The following RANBP1 variants were observed in gnomAD, a reference collection of about 807,000 sequenced individuals.
RANBP1 encodes the protein ran-specific GTPase-activating protein.
A neutral mutation model predicts 31.4 loss-of-function variants in RANBP1; 16 were observed. The ratio of observed to expected loss-of-function variants is 0.51; its 90% confidence interval spans 0.34 to 0.77. The LOEUF (loss-of-function observed/expected upper bound fraction) is 0.77. Among genes scored for constraint, RANBP1 ranks in the 30% least tolerant of loss-of-function variants. The pLI is 0.01. For synonymous variants in RANBP1, 129 were observed against 140.5 expected (o/e 0.92, Z 0.58); for missense variants, 265 against 362.0 (o/e 0.73, Z 2.17).
intron 2 of RANBP1, 156 bp downstream of exon 2, chr22:20,119,305 T>C: frequency 1.4e-6 from 1 of 694,498 alleles, no homozygotes; most frequent in Non-Finnish European, 2.4e-6. Flanking sequence ...TTTAACCCGT[T>C]CCTTTCATGA....
At chr22:20,126,408 T>C in intron 5 of RANBP1, 40 bp downstream of exon 5, 1 of 1,613,612 alleles carries the variant, frequency 6.2e-7, no homozygotes, top group Non-Finnish European at 8.5e-7. Context: ...CTTTGCAGAC[T>C]CACTCTGCAT....
intron 1 of RANBP1, chr22:20,116,979 C>T: frequency 6.6e-7 from 1 of 1,504,360 alleles, no homozygotes; most frequent in Non-Finnish European, 9.0e-7. Context: ...GGGCCTGTCA[C>T]AAGGGAAGTG....
rs564119324 is a variant in RANBP1, at chr22:20,119,347, C to G, written c.383+198C>G. The stretch of plus-strand genomic sequence containing the variant: ...ACCAGATGCCCTTGCTGCCCTGCAG[C>G]CAGTTGCATGAAGGGCATCCCATCT... On this transcript the variant is annotated intron_variant, in intron 2 of 5. Transcript: ENST00000430524. The G allele has an allele frequency of 1.4e-5, 8 of 583,920 alleles. No homozygotes were observed. In the East Asian group the frequency reaches 2.4e-4, roughly 17 times the overall value. The allele number at this position is 583,920 out of a possible 1,614,324, so 36.2% of individuals were successfully genotyped here. A position where few individuals can be genotyped will look rare whatever the true frequency, so the allele number is the denominator to read the frequency against.
In RANBP1 at chr22:20,127,037, TGAG is replaced by T. The variant is rs1489308851; in HGVS notation, c.826_828del (p.Glu276del). On this transcript the variant is annotated inframe_deletion, in exon 6 of 6. Coordinates refer to ENST00000430524, the MANE Select transcript of RANBP1 (RefSeq NM_001278639.2). Reference sequence around the variant, plus strand: ...TGAAGGAGGAGACCAAGGAGGATGCTGAGGAGAAGCAATAAATCGTCTTATTTT... The same window carrying T: ...TGAAGGAGGAGACCAAGGAGGATGCTGAGAAGCAATAAATCGTCTTATTTT... 3 of 1,610,622 alleles carry T rather than the reference TGAG, an allele frequency of 1.9e-6. No individual in the cohort carries two copies. The highest frequency in any genetic ancestry group is 2.2e-5 in the East Asian group (1 of 44,850).
chr22:20,124,449 C>A (rs921496496), intron 3 of RANBP1: 1 of 139,108 alleles, frequency 7.2e-6, no homozygotes, highest in Non-Finnish European at 1.6e-5. Flanking sequence ...TAGACGAGAC[C>A]CCCCCCCAGC....
At chr22:20,121,983 C>G (rs1568981426) in intron 2 of RANBP1, among the ~76,000 whole-genome samples, 1 of 152,178 alleles carries the variant, frequency 6.6e-6, no homozygotes, top group Non-Finnish European at 1.5e-5. Flanking sequence ...AGATGACCTG[C>G]CCGCCTCGGC....
chr22:20,126,271 C>T (rs375699055), intron 4 of RANBP1, 32 bp from the exon 5 acceptor site: 3 of 1,602,234 alleles, frequency 1.9e-6, no homozygotes, highest in Middle Eastern at 2.0e-4. Context: ...CTGCTCACAG[C>T]TCTTAGGAAG....
rs2050271631 is a variant in RANBP1 at position 20,125,313 on chromosome 22, C to T, written c.547C>T (p.Pro183Ser). The change falls in exon 4 of 6, where the codon CCG becomes TCG. Residue 183 changes from proline to serine, a missense_variant. Pro to Ser is a moderately conservative substitution (Grantham distance 74). This residue lies in a region of RANBP1 where 90 missense variants were observed against 190.5 expected (regional missense o/e 0.47). Coordinates refer to ENST00000430524, the MANE Select transcript of RANBP1 (RefSeq NM_001278639.2). ...ACGAGCTTCTCTCTCTTCAGTCACG[C>T]CGATGATGGAGCTGAAGCCCAACGC... ...LKICANHYITPMMELKPNAGS... is the reference protein window; with the variant it reads ...LKICANHYITSMMELKPNAGS... 1 of 1,611,440 alleles carries T rather than the reference C, an allele frequency of 6.2e-7. No homozygotes were observed. The highest frequency in any genetic ancestry group is 1.1e-5 in the South Asian group (1 of 90,992).
At position 20,126,425 on chromosome 22, in the gene RANBP1, A is replaced by G. The variant is rs759614887; in HGVS notation, c.736+57A>G. The G allele has an allele frequency of 5.6e-6, 9 of 1,612,826 alleles. No homozygotes were observed. In the African/African-American group the frequency reaches 6.7e-5, roughly 12 times the overall value. Reference sequence around the variant, plus strand: ...TTGCAGACTCACTCTGCATCTGACTATACTTCCAGGCGGGTGCTTTTTCTG... The same window carrying G: ...TTGCAGACTCACTCTGCATCTGACTGTACTTCCAGGCGGGTGCTTTTTCTG... On this transcript the variant is annotated intron_variant, in intron 5 of 5. Transcript: ENST00000430524.
intron 2 of RANBP1, 67 bp downstream of exon 2, chr22:20,119,216 A>G: frequency 1.3e-6 from 2 of 1,504,434 alleles, no homozygotes; most frequent in Non-Finnish European, 1.8e-6. Context: ...ATGGGTGTCC[A>G]GGTTTTGGCC....
Position 20,127,138 on chromosome 22 carries a change from ATTC to A in RANBP1, c.*89_*91del, listed in dbSNP as rs1412158531. ...TGCCCCTCTTTTTCGGTTTGTTTTT[ATTC>A]TTTCATTTTTACAAGGGACGTTATA... On this transcript the variant is annotated 3_prime_UTR_variant, in exon 6 of 6. Transcript: ENST00000430524. The A allele has an allele frequency of 2.3e-5, 26 of 1,132,616 alleles. No individual in the cohort carries two copies. Among genetic ancestry groups the A allele is most frequent in the Non-Finnish European group, 3.0e-5 (25 of 820,480 alleles). The allele number at this position is 1,132,616 out of a possible 1,614,324, so 70.2% of individuals were successfully genotyped here.
intron 5 of RANBP1, 139 bp downstream of exon 5, chr22:20,126,507 A>G: frequency 6.3e-7 from 1 of 1,591,972 alleles, no homozygotes; most frequent in Non-Finnish European, 8.6e-7. Flanking sequence ...AGAGTGATGC[A>G]GCTCCCTGGG....
rs765529450 is a variant in RANBP1 at position 20,119,064 on chromosome 22, C to G, written c.298C>G (p.His100Asp). Residue 100 changes from histidine (H) to aspartate (D), a missense_variant, in exon 2 of 6, where the codon CAT (histidine) becomes GAT (aspartate). His to Asp is a moderately conservative substitution (Grantham distance 81). Coordinates refer to ENST00000430524, the MANE Select transcript of RANBP1 (RefSeq NM_001278639.2). The stretch of plus-strand genomic sequence containing the variant: ...CACTGAGAATACAGACGAGTCCAAC[C>G]ATGACCCTCAGTTTGAGCCAATAGT... ...TSTENTDESN[H>D]DPQFEPIVSL... 5.6e-6 allele frequency: 9 copies of G among 1,612,872 alleles called. No homozygotes were observed. The highest frequency in any genetic ancestry group is 7.6e-6 in the Non-Finnish European group (9 of 1,179,138).
intron 1 of RANBP1, chr22:20,117,985 C>G: frequency 2.0e-6 from 2 of 999,872 alleles, no homozygotes; most frequent in African/African-American, 3.5e-5. Context: ...GGCGGGTTTC[C>G]TCCGGCTCGG....
intron 3 of RANBP1, among the ~76,000 whole-genome samples, chr22:20,123,094 G>A (rs1177369812): frequency 7.8e-6 from 1 of 128,376 alleles, no homozygotes; most frequent in Non-Finnish European, 1.7e-5. Context: ...GGGTGTGTAT[G>A]TGGTGTCTGG....
chr22:20,126,278 G>C (rs1392860212), intron 4 of RANBP1, 25 bp from the exon 5 acceptor site: 2 of 1,606,928 alleles, frequency 1.2e-6, no homozygotes, highest in Non-Finnish European at 8.5e-7. Context: ...CAGCTCTTAG[G>C]AAGTCTTCGC....
intron 1 of RANBP1, chr22:20,117,982 T>G (rs906604947): frequency 4.0e-6 from 4 of 999,892 alleles, no homozygotes; most frequent in African/African-American, 1.7e-5. Flanking sequence ...GGCGGCGGGT[T>G]TCCTCCGGCT....
chr22:20,121,573 G>A (rs1485710464), intron 2 of RANBP1, among the ~76,000 whole-genome samples: 1 of 151,700 alleles, frequency 6.6e-6, no homozygotes, highest in Non-Finnish European at 1.5e-5. Context: ...TTAAAATAGG[G>A]TCTCACTCTC....
intron 2 of RANBP1, among the ~76,000 whole-genome samples, chr22:20,121,261 T>C (rs1349506683): frequency 1.3e-5 from 2 of 152,002 alleles, no homozygotes; most frequent in Admixed American, 6.5e-5. Flanking sequence ...TCTCTCTTTT[T>C]TTTTTGAGAT....
Sources: allele counts gnomAD v4.1 joint callset (sites outside exome capture counted in the v4.1 genomes callset), GRCh38; gene constraint gnomAD v4.1.1; regional missense constraint gnomAD v4.1.1; transcripts MANE v1.5; gene names NCBI Gene and HGNC (gene_info 2026-07-23, HGNC 2026-07-21).